Variants in DCPH1 observed in about 807,000 individuals in gnomAD.
DCPH1 encodes damage-control phosphatase 1.
the DCPH1 span, among the ~76,000 whole-genome samples, chr6:151,457,383 A>C: frequency 7.2e-5 from 11 of 152,212 alleles, no homozygotes; most frequent in African/African-American, 2.7e-4. Context: ...TTTTAGGTAT[A>C]TGCTTCTGTA....
At chr6:151,452,610 C>T in the DCPH1 span, 2 of 1,598,030 alleles carry the variant, frequency 1.3e-6, no homozygotes, top group Non-Finnish European at 8.5e-7. Flanking sequence ...TTCTCCTCCC[C>T]ACTTTTGCGG....
At chr6:151,462,136 A>G in the DCPH1 span, among the ~76,000 whole-genome samples, 2 of 152,250 alleles carry the variant, frequency 1.3e-5, no homozygotes, top group South Asian at 2.1e-4. Flanking sequence ...AAATTTAAAC[A>G]TATTAGGTAA....
At chr6:151,454,503 G>A in the DCPH1 span, 263 of 893,654 alleles carry the variant, frequency 2.9e-4, no homozygotes, top group Non-Finnish European at 5.8e-5. Flanking sequence ...CAGTCTTCTA[G>A]TATTGATGCT....
At chr6:151,454,685 T>A in the DCPH1 span, 28 of 1,085,040 alleles carry the variant, frequency 2.6e-5, no homozygotes, top group Non-Finnish European at 3.9e-5. Context: ...AATTTTTTGT[T>A]AATTTCTCAA....
chr6:151,468,599 C>T, the DCPH1 span: 1 of 1,614,044 alleles, frequency 6.2e-7, no homozygotes, highest in African/African-American at 1.3e-5. Context: ...TTGTTGTCCT[C>T]TGAACTGGCT....
At chr6:151,462,819 A>G in the DCPH1 span, among the ~76,000 whole-genome samples, 1 of 152,348 alleles carries the variant, frequency 6.6e-6, no homozygotes, top group African/African-American at 2.4e-5. Flanking sequence ...AAATACGAAA[A>G]TAAGGCTCAT....
chr6:151,469,477 G>T, the DCPH1 span: 1 of 173,580 alleles, frequency 5.8e-6, no homozygotes, highest in South Asian at 1.7e-4. Flanking sequence ...TTCTTAAATA[G>T]TACACTGCAT....
At chr6:151,468,499 A>T in the DCPH1 span, 1 of 1,613,564 alleles carries the variant, frequency 6.2e-7, no homozygotes, top group Non-Finnish European at 8.5e-7. Context: ...TTGCAAGAAA[A>T]CAAGAGAAAA....
At chr6:151,456,784 G>A in the DCPH1 span, among the ~76,000 whole-genome samples, 6 of 152,280 alleles carry the variant, frequency 3.9e-5, no homozygotes, top group East Asian at 7.7e-4. Context: ...CTAAAGTGCT[G>A]GCATTACAGG....
chr6:151,464,445 T>G, the DCPH1 span: 2 of 1,594,070 alleles, frequency 1.3e-6, no homozygotes, highest in South Asian at 2.3e-5. Flanking sequence ...GTTTTTCTCC[T>G]ACTTTAGTCC....
chr6:151,468,529 T>C, the DCPH1 span: 1 of 1,613,944 alleles, frequency 6.2e-7, no homozygotes, highest in Non-Finnish European at 8.5e-7. Flanking sequence ...TACTAGAGTG[T>C]ATATTGTTCT....
chr6:151,458,539 T>A, the DCPH1 span: 1 of 1,612,054 alleles, frequency 6.2e-7, no homozygotes, highest in Non-Finnish European at 8.5e-7. Context: ...GAATGTTACA[T>A]GTATCGAAGA....
At chr6:151,467,647 C>T in the DCPH1 span, among the ~76,000 whole-genome samples, 4 of 151,928 alleles carry the variant, frequency 2.6e-5, no homozygotes, top group Non-Finnish European at 5.9e-5. Flanking sequence ...ACTGAAGATG[C>T]TGAGTTTGAA....
At chr6:151,462,777 A>AT in the DCPH1 span, among the ~76,000 whole-genome samples, 1 of 152,232 alleles carries the variant, frequency 6.6e-6, no homozygotes, top group African/African-American at 2.4e-5. Context: ...TAAAATGAGA[A>AT]TTTATATATA....
the DCPH1 span, among the ~76,000 whole-genome samples, chr6:151,459,200 G>A: frequency 2.6e-5 from 4 of 152,134 alleles, no homozygotes; most frequent in African/African-American, 9.7e-5. Context: ...TAGAATAAAA[G>A]AAGTTTTGCT....
chr6:151,452,901 G>A, the DCPH1 span: 6 of 289,726 alleles, frequency 2.1e-5, no homozygotes, highest in African/African-American at 4.4e-5. Context: ...AAAATTCTGC[G>A]TAAGAGTTGG....
the DCPH1 span, among the ~76,000 whole-genome samples, chr6:151,463,789 A>G: frequency 9.2e-5 from 14 of 152,230 alleles, no homozygotes; most frequent in Admixed American, 2.6e-4. Context: ...AGATTATTAT[A>G]TTAGTATTTA....
chr6:151,468,284 A>C, the DCPH1 span: 2 of 1,184,356 alleles, frequency 1.7e-6, no homozygotes, highest in East Asian at 2.4e-5. Flanking sequence ...CCGCTACATA[A>C]TGGAGTTTTG....
the DCPH1 span, among the ~76,000 whole-genome samples, chr6:151,455,286 CACAGAG>C: frequency 4.0e-5 from 6 of 151,204 alleles, no homozygotes; most frequent in East Asian, 1.9e-4. Context: ...AAGAAAAAGA[CACAGAG>C]ACAAAGTATA....
Sources: allele counts gnomAD v4.1 joint callset (sites outside exome capture counted in the v4.1 genomes callset), GRCh38; gene constraint gnomAD v4.1.1; transcripts MANE v1.5; gene names NCBI Gene and HGNC (gene_info 2026-07-23, HGNC 2026-07-21).